Variants in ME1 observed in about 807,000 individuals in gnomAD.
ME1 encodes NADP-dependent malic enzyme.
ME1 carries 74 observed loss-of-function variants against 66.4 expected under a neutral mutation model. That is an observed-to-expected ratio of 1.11 (90% CI 0.92 to 1.35). The LOEUF (loss-of-function observed/expected upper bound fraction) is 1.35. ME1 is among the 40% of genes most tolerant of loss of function. The pLI is 0.00. For synonymous variants in ME1, 251 were observed against 235.6 expected (o/e 1.07, Z -0.60); for missense variants, 750 against 694.1 (o/e 1.08, Z -0.90).
chr6:83,231,184 A>G (rs1009230613), intron 9 of ME1, among the ~76,000 whole-genome samples: 4 of 152,218 alleles, frequency 2.6e-5, no homozygotes, highest in Non-Finnish European at 4.4e-5. Context: ...AATAATAAAA[A>G]AGACAGATGA....
chr6:83,387,548 A>G (rs911654134), intron 3 of ME1, among the ~76,000 whole-genome samples: 2 of 151,964 alleles, frequency 1.3e-5, no homozygotes, highest in Admixed American at 6.6e-5. Flanking sequence ...TCCATTTCTA[A>G]TCGTGGTCAT....
intron 1 of ME1, among the ~76,000 whole-genome samples, chr6:83,424,446 T>A (rs2127697950): frequency 6.6e-6 from 1 of 152,222 alleles, no homozygotes; most frequent in South Asian, 2.1e-4. Flanking sequence ...AATAGAGGAA[T>A]GAAAAATAAG....
intron 3 of ME1, among the ~76,000 whole-genome samples, chr6:83,380,610 C>G (rs1769378133): frequency 6.6e-6 from 1 of 152,018 alleles, no homozygotes; most frequent in African/African-American, 2.4e-5. Context: ...CTGATTATCT[C>G]TGAGGTGTTT....
chr6:83,373,551 T>C (rs1235691572), intron 3 of ME1, among the ~76,000 whole-genome samples: 2 of 152,216 alleles, frequency 1.3e-5, no homozygotes, highest in Non-Finnish European at 2.9e-5. Context: ...ATTAAATACA[T>C]AGAAAGTTTG....
chr6:83,416,275 T>A (rs1448434524), intron 1 of ME1, among the ~76,000 whole-genome samples: 2 of 152,234 alleles, frequency 1.3e-5, no homozygotes, highest in East Asian at 3.8e-4. Context: ...GTTATATAAA[T>A]GCTTATGGTA....
At chr6:83,305,968 C>A (rs576064850) in intron 6 of ME1, among the ~76,000 whole-genome samples, 1 of 152,074 alleles carries the variant, frequency 6.6e-6, no homozygotes, top group Non-Finnish European at 1.5e-5. Context: ...AAGTAAATTG[C>A]TTTCACATGT....
chr6:83,386,330 T>C (rs1769502319), intron 3 of ME1, among the ~76,000 whole-genome samples: 1 of 152,020 alleles, frequency 6.6e-6, no homozygotes. Context: ...AGTCACATGC[T>C]AAACCAGAAC....
chr6:83,299,500 G>C (rs1342914865), intron 6 of ME1, among the ~76,000 whole-genome samples: 1 of 152,126 alleles, frequency 6.6e-6, no homozygotes, highest in African/African-American at 2.4e-5. Context: ...GAGCTTTTGG[G>C]CTGAGACCAT....
intron 9 of ME1, among the ~76,000 whole-genome samples, chr6:83,231,777 G>A (rs1446664099): frequency 6.6e-6 from 1 of 151,616 alleles, no homozygotes; most frequent in East Asian, 1.9e-4. Flanking sequence ...GCCTTCTTTT[G>A]GCAAAGTGCA....
At chr6:83,352,160 A>AG in intron 3 of ME1, 21 bp from the exon 4 acceptor site, 1 of 1,479,716 alleles carries the variant, frequency 6.8e-7, no homozygotes. Context: ...AAAAAAAAAA[A>AG]AAGGAGTAGT....
At chr6:83,228,221 A>G (rs1790235326) in intron 10 of ME1, among the ~76,000 whole-genome samples, 1 of 152,182 alleles carries the variant, frequency 6.6e-6, no homozygotes, top group Admixed American at 6.5e-5. Context: ...CTGCACATGC[A>G]TTGTGTAAGT....
intron 9 of ME1, chr6:83,229,269 C>G (rs1790255343): frequency 2.5e-6 from 1 of 400,066 alleles, no homozygotes; most frequent in South Asian, 1.9e-5. Context: ...TTGTTCGTCA[C>G]ACATTGTGTT....
intron 6 of ME1, among the ~76,000 whole-genome samples, chr6:83,301,310 TTCTTTC>T (rs1377896240): frequency 2.3e-5 from 3 of 131,540 alleles, no homozygotes; most frequent in African/African-American, 1.1e-4. Flanking sequence ...CCTTCTTTCT[TTCTTTC>T]TCTCTCTCTC....
Position 83,271,891 on chromosome 6 carries a change from G to T in ME1, c.705-18153C>A, listed in dbSNP as rs373849785. Among the ~76,000 whole-genome samples the T allele has an allele frequency of 7.2e-5, 11 of 152,146 alleles. No homozygotes were observed. In the East Asian group the frequency reaches 1.5e-3, roughly 21 times the overall value. ...TTAAAAAATTGTGGGTACATAGTAG[G>T]TGTATATATTTATGGGGTACATGAG... On this transcript the variant is annotated intron_variant, in intron 6 of 13. Coordinates refer to ENST00000369705, the MANE Select transcript of ME1 (RefSeq NM_002395.6).
intron 6 of ME1, among the ~76,000 whole-genome samples, chr6:83,299,913 G>A (rs80071767): frequency 6.6e-6 from 1 of 152,156 alleles, no homozygotes; most frequent in African/African-American, 2.4e-5. Context: ...TAATTGATTT[G>A]TGTATGTTGA....
At chr6:83,282,266 A>T (rs545116714) in intron 6 of ME1, among the ~76,000 whole-genome samples, 1 of 152,244 alleles carries the variant, frequency 6.6e-6, no homozygotes, top group East Asian at 1.9e-4. Flanking sequence ...GACAAATGAG[A>T]TCTAATTAAA....
intron 1 of ME1, among the ~76,000 whole-genome samples, chr6:83,425,458 A>G (rs1017166438): frequency 6.6e-6 from 1 of 152,196 alleles, no homozygotes; most frequent in Non-Finnish European, 1.5e-5. Context: ...ACATACAATC[A>G]TGGCGGGAGG....
At chr6:83,263,433 G>A (rs1293887109) in intron 6 of ME1, among the ~76,000 whole-genome samples, 1 of 152,160 alleles carries the variant, frequency 6.6e-6, no homozygotes, top group Non-Finnish European at 1.5e-5. Context: ...TAGACCTGTT[G>A]TACGAAGCAG....
At chr6:83,262,190 T>C (rs1583346092) in intron 6 of ME1, among the ~76,000 whole-genome samples, 1 of 152,172 alleles carries the variant, frequency 6.6e-6, no homozygotes, top group East Asian at 1.9e-4. Flanking sequence ...AGGTGGAACA[T>C]GGGGAGATGA....
Sources: gnomAD v4.1 joint callset for allele counts (sites outside exome capture counted in the v4.1 genomes callset) on GRCh38, gnomAD v4.1.1 for gene constraint, MANE v1.5 for transcripts, NCBI Gene and HGNC (gene_info 2026-07-23, HGNC 2026-07-21) for gene names.